The following ICA1 variants were observed in gnomAD, a reference collection of about 807,000 sequenced individuals.
ICA1 encodes islet cell autoantigen 1.
ICA1 carries 40 observed loss-of-function variants against 71.0 expected under a neutral mutation model. That is an observed-to-expected ratio of 0.56 (90% CI 0.44 to 0.73). The LOEUF (loss-of-function observed/expected upper bound fraction) is 0.73, where lower values mean the gene tolerates loss of function less well. Ranked by LOEUF, ICA1 falls within the 30% of genes least tolerant of loss-of-function variation. The pLI, the probability that ICA1 is intolerant of heterozygous loss-of-function variation, is 0.00. For synonymous variants in ICA1, 207 were observed against 209.5 expected (o/e 0.99, Z 0.10); for missense variants, 578 against 576.5 (o/e 1.00, Z -0.03).
chr7:8,187,903 A>G (rs1422150454), intron 6 of ICA1, among the ~76,000 whole-genome samples: 1 of 152,248 alleles, frequency 6.6e-6, no homozygotes, highest in Non-Finnish European at 1.5e-5. Context: ...AAATGTCATT[A>G]TATGGTACTT....
chr7:8,168,312 C>T (rs966408288), intron 6 of ICA1, among the ~76,000 whole-genome samples: 2 of 152,060 alleles, frequency 1.3e-5, no homozygotes, highest in African/African-American at 2.4e-5. Flanking sequence ...ATTTTAGAAA[C>T]ACAGAACCCT....
At chr7:8,162,494 G>A (rs1001948073) in intron 6 of ICA1, among the ~76,000 whole-genome samples, 2 of 152,162 alleles carry the variant, frequency 1.3e-5, no homozygotes, top group African/African-American at 4.8e-5. Context: ...TGAAGCCTGA[G>A]GTTAAAACAC....
rs115077045 is a variant in ICA1, at chr7:8,162,579, C to T, written c.580-3927G>A. On this transcript the variant is annotated intron_variant, in intron 6 of 13. Transcript: ENST00000402384. ...CCTCCAGATGCACTTAAGTGACAAA[C>T]GTCTTGATTATTATTCCTCTCAACC... Among the ~76,000 whole-genome samples the T allele has an allele frequency of 4.4e-3, 671 of 152,242 alleles. 1 individual carries two copies. Among genetic ancestry groups the T allele is most frequent in the African/African-American group, 0.016 (650 of 41,548 alleles).
At chr7:8,207,827 G>C (rs1792144456) in intron 6 of ICA1, among the ~76,000 whole-genome samples, 1 of 152,130 alleles carries the variant, frequency 6.6e-6, no homozygotes, top group South Asian at 2.1e-4. Context: ...AACTATGAAT[G>C]GAAACTACCA....
At chr7:8,155,850 G>T (rs987419565) in intron 8 of ICA1, among the ~76,000 whole-genome samples, 7 of 152,164 alleles carry the variant, frequency 4.6e-5, no homozygotes, top group African/African-American at 1.7e-4. Context: ...ACCAACAACG[G>T]TAACATTGCC....
intron 6 of ICA1, among the ~76,000 whole-genome samples, chr7:8,190,319 G>T (rs1785180942): frequency 6.6e-6 from 1 of 151,994 alleles, no homozygotes; most frequent in Non-Finnish European, 1.5e-5. Context: ...CATGGCTGTA[G>T]TTTCTAAGGA....
chr7:8,152,797 C>CCACCAT (rs1799797716), intron 8 of ICA1, among the ~76,000 whole-genome samples: 4 of 1,860 alleles, frequency 2.2e-3, no homozygotes, highest in South Asian at 0.014. Flanking sequence ...ACCATCACCT[C>CCACCAT]CACCACCACC....
At chr7:8,127,167 T>G (rs1299740065) in intron 13 of ICA1, among the ~76,000 whole-genome samples, 2 of 149,870 alleles carry the variant, frequency 1.3e-5, no homozygotes, top group Admixed American at 6.7e-5. Flanking sequence ...TTTTTTGTAT[T>G]TTTAGTAGAG....
chr7:8,197,545 C>T, intron 6 of ICA1, among the ~76,000 whole-genome samples: 1 of 29,766 alleles, frequency 3.4e-5, no homozygotes, highest in South Asian at 1.6e-3. Context: ...GACTTCGTCT[C>T]AGAAAAAAAA....
intron 1 of ICA1, among the ~76,000 whole-genome samples, chr7:8,250,165 G>T (rs1807664644): frequency 6.6e-6 from 1 of 152,114 alleles, no homozygotes; most frequent in South Asian, 2.1e-4. Context: ...GGCAAAGTAT[G>T]TTTTCATCAT....
At chr7:8,189,676 C>T (rs1357017702) in intron 6 of ICA1, among the ~76,000 whole-genome samples, 1 of 152,078 alleles carries the variant, frequency 6.6e-6, no homozygotes, top group African/African-American at 2.4e-5. Context: ...CTCACTGAAC[C>T]CCCAGCTCCG....
At chr7:8,220,158 G>A (rs1354787725) in intron 5 of ICA1, among the ~76,000 whole-genome samples, 1 of 152,138 alleles carries the variant, frequency 6.6e-6, no homozygotes, top group African/African-American at 2.4e-5. Context: ...GATTTAAGAT[G>A]ATAAACAAAT....
At chr7:8,177,249 T>C (rs569503997) in intron 6 of ICA1, among the ~76,000 whole-genome samples, 2 of 152,378 alleles carry the variant, frequency 1.3e-5, no homozygotes, top group South Asian at 2.1e-4. Context: ...TAGTTTATAA[T>C]ATGTAGATAC....
intron 13 of ICA1, among the ~76,000 whole-genome samples, chr7:8,117,985 T>C (rs1785320083): frequency 6.6e-6 from 1 of 152,234 alleles, no homozygotes; most frequent in South Asian, 2.1e-4. Context: ...CAATGTATTA[T>C]TCATCTTTAT....
chr7:8,169,717 G>C lies in ICA1; in HGVS notation c.580-11065C>G, dbSNP rs144382624. ...TTATCTTTTTATTACTGAATTTTAAGAGTTCTTTATATGTTCTAAATACAA... is the reference window on the plus strand; with the variant it reads ...TTATCTTTTTATTACTGAATTTTAACAGTTCTTTATATGTTCTAAATACAA... On this transcript the variant is annotated intron_variant, in intron 6 of 13. Coordinates refer to ENST00000402384, the MANE Select transcript of ICA1 (RefSeq NM_001136020.3). Among the ~76,000 whole-genome samples, 234 of 152,056 alleles carry C rather than the reference G, an allele frequency of 1.5e-3. 1 individual carries two copies. The highest frequency in any genetic ancestry group is 4.9e-3 in the African/African-American group (205 of 41,522).
At chr7:8,161,205 T>C (rs1458544394) in intron 6 of ICA1, among the ~76,000 whole-genome samples, 1 of 151,828 alleles carries the variant, frequency 6.6e-6, no homozygotes, top group Non-Finnish European at 1.5e-5. Context: ...TAACAGGGAG[T>C]CAATAAATAT....
intron 6 of ICA1, among the ~76,000 whole-genome samples, chr7:8,206,823 G>C (rs1371657457): frequency 6.6e-6 from 1 of 151,492 alleles, no homozygotes; most frequent in Non-Finnish European, 1.5e-5. Flanking sequence ...TTATTTGAGA[G>C]ATTTCTTCAT....
intron 1 of ICA1, among the ~76,000 whole-genome samples, chr7:8,251,644 G>A (rs1324760203): frequency 2.0e-5 from 3 of 151,750 alleles, no homozygotes; most frequent in East Asian, 3.9e-4. Context: ...GGAATGCTGG[G>A]AATGAAACAT....
At chr7:8,220,745 T>C (rs186824270) in intron 5 of ICA1, among the ~76,000 whole-genome samples, 1 of 152,296 alleles carries the variant, frequency 6.6e-6, no homozygotes. Flanking sequence ...CTAGTTAAAA[T>C]GTGGATGTGG....
Sources: gnomAD v4.1 joint callset for allele counts (sites outside exome capture counted in the v4.1 genomes callset) on GRCh38, gnomAD v4.1.1 for gene constraint, MANE v1.5 for transcripts, NCBI Gene and HGNC (gene_info 2026-07-23, HGNC 2026-07-21) for gene names.